ADCY8: variants seen among roughly 807,000 people sequenced by gnomAD.
The protein encoded by ADCY8 is adenylate cyclase type 8.
A neutral mutation model predicts 119.7 loss-of-function variants in ADCY8; 51 were observed. The observed-to-expected ratio is 0.43, with a 90% CI of 0.34 to 0.54. ADCY8 has a LOEUF of 0.54. Among genes scored for constraint, ADCY8 ranks in the 20% least tolerant of loss-of-function variants. The pLI is 0.03. For missense variants in ADCY8, 1,383 were observed against 1,598.8 expected (o/e 0.87, Z 2.30); for synonymous variants, 665 against 651.0 (o/e 1.02, Z -0.33).
intron 9 of ADCY8, among the ~76,000 whole-genome samples, chr8:130,850,220 G>T (rs1817476063): frequency 1.3e-5 from 2 of 152,124 alleles, no homozygotes; most frequent in Admixed American, 6.6e-5. Context: ...AACTGGATTT[G>T]GCATTGGTTT....
intron 2 of ADCY8, among the ~76,000 whole-genome samples, chr8:130,960,842 G>C (rs1442625422): frequency 6.6e-6 from 1 of 152,164 alleles, no homozygotes; most frequent in Non-Finnish European, 1.5e-5. Context: ...CATATGTCCA[G>C]TGTCTTCTTG....
rs1586547439 is a variant in ADCY8, at chr8:130,897,789, C to T, written c.1911+5983G>A. Among the ~76,000 whole-genome samples the T allele has an allele frequency of 6.7e-5, 4 of 59,912 alleles. No individual in the cohort carries two copies. In the South Asian group the frequency reaches 2.3e-3, roughly 35 times the overall value. The allele number at this position is 59,912 out of a possible 152,430, so 39.3% of individuals were successfully genotyped here. ...CATACATCCATATATACACACATCT[C>T]ACACACACCATACCACACATATATA... On this transcript the variant is annotated intron_variant, in intron 7 of 17. Transcript: ENST00000286355.
intron 2 of ADCY8, among the ~76,000 whole-genome samples, chr8:130,964,500 T>A (rs1821702509): frequency 6.6e-6 from 1 of 152,324 alleles, no homozygotes; most frequent in East Asian, 1.9e-4. Context: ...CTTTGCATGA[T>A]AATGAAATCA....
At chr8:130,938,638 G>C (rs1586588369) in intron 4 of ADCY8, among the ~76,000 whole-genome samples, 1 of 152,168 alleles carries the variant, frequency 6.6e-6, no homozygotes, top group Admixed American at 6.5e-5. Context: ...ATCTCACCAG[G>C]AGTTGGACAT....
At chr8:130,808,778 C>T (rs1322076451) in intron 14 of ADCY8, among the ~76,000 whole-genome samples, 1 of 152,174 alleles carries the variant, frequency 6.6e-6, no homozygotes, top group African/African-American at 2.4e-5. Flanking sequence ...GAAATGGACT[C>T]CAAAGAGTTG....
intron 1 of ADCY8, among the ~76,000 whole-genome samples, chr8:130,992,419 A>ATATATATATG (rs1554623352): frequency 5.6e-4 from 72 of 127,752 alleles, no homozygotes; most frequent in African/African-American, 2.4e-3. Context: ...ATATATATAT[A>ATATATATATG]TATATATATA....
intron 1 of ADCY8, among the ~76,000 whole-genome samples, chr8:130,998,840 G>C (rs1281860442): frequency 1.3e-5 from 2 of 152,130 alleles, no homozygotes; most frequent in Non-Finnish European, 2.9e-5. Context: ...AAGAGACAAA[G>C]ATGATTCTCA....
intron 2 of ADCY8, among the ~76,000 whole-genome samples, chr8:130,962,940 C>T (rs564693895): frequency 6.6e-6 from 1 of 152,244 alleles, no homozygotes; most frequent in South Asian, 2.1e-4. Context: ...CAAGTGCTTC[C>T]TATTTATTGT....
In ADCY8 at chr8:130,990,490, A is replaced by T; in HGVS notation, c.1013T>A (p.Ile338Asn). 6.2e-7 allele frequency: 1 copy of T among 1,614,190 alleles called. No individual in the cohort carries two copies. Among genetic ancestry groups the T allele is most frequent in the Non-Finnish European group, 8.5e-7 (1 of 1,180,008 alleles). Reference sequence around the variant, plus strand: ...CTGGGCCCGGTCTGACAGGTAACTGATGAAGATTCCAGCTGTGTTCATACA... The same window carrying T: ...CTGGGCCCGGTCTGACAGGTAACTGTTGAAGATTCCAGCTGTGTTCATACA... ...FMCMNTAGIF[I>N]SYLSDRAQRQ... Residue 338 changes from isoleucine (I) to asparagine (N), a missense_variant, in exon 2 of 18, where the codon ATC (isoleucine) becomes AAC (asparagine). By Grantham distance (149) the Ile-to-Asn change is moderately radical. Around this residue, in one of 2 missense-constraint regions of ADCY8, gnomAD observed 928 missense variants for 1,163.5 expected, o/e 0.80. Transcript: ENST00000286355.
rs111332623 is a variant in ADCY8 at position 130,948,135 on chromosome 8, T to G, written c.1241+3733A>C. 5.6e-3 allele frequency among the ~76,000 whole-genome samples: 855 copies of G among 152,268 alleles called. 9 individuals carry two copies. Among genetic ancestry groups the G allele is most frequent in the African/African-American group, 0.02 (822 of 41,570 alleles). ...AAACAAAGGAGCCTTTGTTCCTGAA[T>G]CACCCACTGACCAGTAATATCAGCA... On this transcript the variant is annotated intron_variant, in intron 3 of 17. Transcript: ENST00000286355.
At chr8:130,781,273 C>T (rs1815071472) in intron 17 of ADCY8, among the ~76,000 whole-genome samples, 1 of 152,164 alleles carries the variant, frequency 6.6e-6, no homozygotes. Context: ...CTTCTGCTGA[C>T]ACAGTGCTCT....
chr8:130,882,412 C>T (rs1332411290), intron 8 of ADCY8, among the ~76,000 whole-genome samples: 1 of 152,122 alleles, frequency 6.6e-6, no homozygotes, highest in Non-Finnish European at 1.5e-5. Context: ...TACTTAGCCT[C>T]TCCTGTAAAC....
At chr8:130,881,849 T>C (rs375410592) in intron 8 of ADCY8, among the ~76,000 whole-genome samples, 1 of 57,350 alleles carries the variant, frequency 1.7e-5, no homozygotes, top group South Asian at 4.2e-4. Flanking sequence ...TCTCTGATAA[T>C]TTTTTTTTTT....
chr8:130,790,424 TA>T (rs1420307770), intron 15 of ADCY8, among the ~76,000 whole-genome samples: 3 of 152,204 alleles, frequency 2.0e-5, no homozygotes, highest in Non-Finnish European at 4.4e-5. Flanking sequence ...AATCCCATTA[TA>T]AAGTAGCCTG....
At chr8:130,789,379 G>A (rs755696074) in intron 15 of ADCY8, among the ~76,000 whole-genome samples, 13 of 152,246 alleles carry the variant, frequency 8.5e-5, no homozygotes, top group East Asian at 5.8e-4. Context: ...AACAGCCCTC[G>A]TCTGTCATCG....
chr8:130,794,599 A>C (rs1338150304), intron 15 of ADCY8, among the ~76,000 whole-genome samples: 1 of 152,228 alleles, frequency 6.6e-6, no homozygotes, highest in Non-Finnish European at 1.5e-5. Context: ...ACTAGAAACA[A>C]ATACACATAA....
intron 7 of ADCY8, among the ~76,000 whole-genome samples, chr8:130,887,530 CT>C (rs1819033394): frequency 6.6e-6 from 1 of 152,084 alleles, no homozygotes; most frequent in Non-Finnish European, 1.5e-5. Flanking sequence ...GATGTTTTTT[CT>C]GATTATTTCC....
chr8:130,853,262 T>C (rs1817597888), intron 9 of ADCY8, among the ~76,000 whole-genome samples: 1 of 152,254 alleles, frequency 6.6e-6, no homozygotes, highest in Non-Finnish European at 1.5e-5. Context: ...TCTCTTCTCT[T>C]TGGCCAGGGC....
At chr8:131,037,149 GGTT>G (rs1563777081) in intron 1 of ADCY8, among the ~76,000 whole-genome samples, 1 of 152,128 alleles carries the variant, frequency 6.6e-6, no homozygotes, top group Non-Finnish European at 1.5e-5. Context: ...AGAGCGCTCT[GGTT>G]GTTCTTTTAG....
Sources: allele counts gnomAD v4.1 joint callset (sites outside exome capture counted in the v4.1 genomes callset), GRCh38; gene constraint gnomAD v4.1.1; regional missense constraint gnomAD v4.1.1; transcripts MANE v1.5; gene names NCBI Gene and HGNC (gene_info 2026-07-23, HGNC 2026-07-21).